Variants in GAS6 observed in about 807,000 individuals in gnomAD.
The protein encoded by GAS6 is growth arrest specific 6, also known as growth arrest-specific protein 6.
A neutral mutation model predicts 75.8 loss-of-function variants in GAS6; 41 were observed. The ratio of observed to expected loss-of-function variants is 0.54; its 90% CI spans 0.42 to 0.70. The LOEUF is 0.70. Among genes scored for constraint, GAS6 ranks in the 30% least tolerant of loss-of-function variants. The pLI, the probability that GAS6 is intolerant of heterozygous loss-of-function variation, is 0.00. For synonymous variants in GAS6, 432 were observed against 412.6 expected (o/e 1.05, Z -0.57); for missense variants, 854 against 940.2 (o/e 0.91, Z 1.20).
At chr13:113,842,497 C>T (rs998332971) in intron 4 of GAS6, 1 of 396,060 alleles carries the variant, frequency 2.5e-6, no homozygotes, top group Admixed American at 4.4e-5. Flanking sequence ...CCCGGCTGTA[C>T]CTGGGTGCTG....
intron 10 of GAS6, among the ~76,000 whole-genome samples, chr13:113,831,154 G>A (rs555429444): frequency 6.6e-5 from 10 of 152,352 alleles, no homozygotes; most frequent in African/African-American, 2.2e-4. Flanking sequence ...GGGGATGTGG[G>A]GTGGGCACGT....
rs780645028 is a variant in GAS6, at chr13:113,835,616, G to C, written c.609C>G (p.Asp203Glu). 4 of 1,612,068 alleles carry C rather than the reference G, an allele frequency of 2.5e-6. No homozygotes were observed. The highest frequency in any genetic ancestry group is 3.4e-6 in the Non-Finnish European group (4 of 1,179,870). Residue 203 changes from aspartate to glutamate, a missense_variant, in exon 7 of 15, where the codon GAC becomes GAG. Coordinates refer to ENST00000327773, the MANE Select transcript of GAS6 (RefSeq NM_000820.4). The part of the protein sequence containing the change: ...RTCQDIDECA[D>E]SEACGEARCK... ...AGCGCGCCTCCCCGCAGGCCTCCGA[G>C]TCTGCGCACTCGTCTATGTCTGCAA...
rs573714479 is a variant in GAS6, at chr13:113,856,441, C to T, written c.255+7134G>A. Among the ~76,000 whole-genome samples, 23 of 152,300 alleles carry T rather than the reference C, an allele frequency of 1.5e-4. No homozygotes were observed. The South Asian group carries it at 4.4e-3, about 29-fold the overall frequency. ...AAATGGCTCAGTGACAGCTGTTACA[C>T]AGTTGTCATGAGGATGTAACAACTT... is the stretch of plus-strand genomic sequence containing the variant. On this transcript the variant is annotated intron_variant, in intron 2 of 14. Transcript: ENST00000327773.
Position 113,848,137 on chromosome 13 carries a change from A to G in GAS6, c.256-87T>C, listed in dbSNP as rs2051848145. On this transcript the variant is annotated intron_variant, in intron 2 of 14. Transcript: ENST00000327773. This position sits in a 1 kb window ranked among gnomAD's most constrained non-coding sequence, Gnocchi z 4.8. The stretch of plus-strand genomic sequence containing the variant: ...ACATAAGCATCAGCTGGTTAATCAG[A>G]GGCTGCTCTCGGGGCAGCCAGAGGG... 1 of 1,466,586 alleles carries G rather than the reference A, an allele frequency of 6.8e-7. No individual in the cohort carries two copies. The allele number at this position is 1,466,586 out of a possible 1,614,324, so 90.8% of individuals were successfully genotyped here. A position where few individuals can be genotyped will look rare whatever the true frequency, so the allele number is the denominator to read the frequency against.
intron 11 of GAS6, among the ~76,000 whole-genome samples, chr13:113,827,740 T>A (rs1594191180): frequency 6.6e-6 from 1 of 152,120 alleles, no homozygotes; most frequent in Non-Finnish European, 1.5e-5. Context: ...CGTGCCTTTC[T>A]CCTGCCTGGT....
intron 12 of GAS6, among the ~76,000 whole-genome samples, chr13:113,826,091 C>G (rs1013432947): frequency 1.3e-5 from 2 of 152,186 alleles, no homozygotes; most frequent in African/African-American, 4.8e-5. Context: ...TAACACTATC[C>G]TCACAGCAGC....
At position 113,833,079 on chromosome 13, in the gene GAS6, A is replaced by G. The variant is rs115048468; in HGVS notation, c.835-327T>C. On this transcript the variant is annotated intron_variant, in intron 8 of 14. Coordinates refer to ENST00000327773, the MANE Select transcript of GAS6 (RefSeq NM_000820.4). ...ATTACAGAGAATCATTAAAAAGTAT[A>G]CACTATTATGAAATAGATATGGATG... The G allele has an allele frequency of 1.1e-3, 1,364 of 1,229,396 alleles. 14 individuals carry two copies. In the African/African-American group the frequency reaches 0.02, roughly 18 times the overall value. The allele number at this position is 1,229,396 out of a possible 1,614,324, so 76.2% of individuals were successfully genotyped here. A position where few individuals can be genotyped will look rare whatever the true frequency, so the allele number is the denominator to read the frequency against.
At chr13:113,849,670 T>G (rs535700882) in intron 2 of GAS6, among the ~76,000 whole-genome samples, 1 of 152,352 alleles carries the variant, frequency 6.6e-6, no homozygotes, top group African/African-American at 2.4e-5. Flanking sequence ...TCATACTACT[T>G]AATGTGTAAT....
chr13:113,834,517 C>A, intron 8 of GAS6, 34 bp downstream of exon 8: 1 of 1,493,450 alleles, frequency 6.7e-7, no homozygotes, highest in Non-Finnish European at 8.9e-7. Flanking sequence ...CCCGGAACCA[C>A]CGTGAAGGGC....
In GAS6 at chr13:113,845,729, G is replaced by A. The variant is rs1048358374; in HGVS notation, c.343+798C>T. ...ACAGTTTTTAAACCTATGAAGGACAGCTTTACTCATTAGTTAAAAAAAAAA... is the reference window on the plus strand; with the variant it reads ...ACAGTTTTTAAACCTATGAAGGACAACTTTACTCATTAGTTAAAAAAAAAA... On this transcript the variant is annotated intron_variant, in intron 4 of 14. Transcript: ENST00000327773. This position sits in a 1 kb window ranked among gnomAD's most constrained non-coding sequence, Gnocchi z 4.3. 1 of 140,940 alleles carries A rather than the reference G, an allele frequency of 7.1e-6. No individual in the cohort carries two copies. Among genetic ancestry groups the A allele is most frequent in the Middle Eastern group, 3.6e-3 (1 of 274 alleles). 8.7% of individuals were successfully genotyped at this position (140,940 alleles called of 1,614,324 possible).
intron 2 of GAS6, among the ~76,000 whole-genome samples, chr13:113,855,572 A>G (rs2051907763): frequency 6.6e-6 from 1 of 152,138 alleles, no homozygotes; most frequent in African/African-American, 2.4e-5. Flanking sequence ...ATCGAGCATG[A>G]CTCAACCCAA....
intron 2 of GAS6, among the ~76,000 whole-genome samples, chr13:113,862,499 G>A (rs529487607): frequency 2.0e-5 from 3 of 152,206 alleles, no homozygotes; most frequent in African/African-American, 7.2e-5. Flanking sequence ...AGAGAGGCCG[G>A]GGAGAGCGAC....
In GAS6 at chr13:113,820,803, C is replaced by A; in HGVS notation, c.*61G>T. On this transcript the variant is annotated 3_prime_UTR_variant, in exon 15 of 15. Coordinates refer to ENST00000327773, the MANE Select transcript of GAS6 (RefSeq NM_000820.4). Reference sequence around the variant, plus strand: ...GCATGGCCCCACGTGGTGAGGAGCCCCCAGGCTCCTCCCGGCTGTCTCGGA... The same window carrying A: ...GCATGGCCCCACGTGGTGAGGAGCCACCAGGCTCCTCCCGGCTGTCTCGGA... 6.5e-7 allele frequency: 1 copy of A among 1,549,258 alleles called. No homozygotes were observed. The highest frequency in any genetic ancestry group is 8.7e-7 in the Non-Finnish European group (1 of 1,143,498).
chr13:113,832,466 G>A lies in GAS6; in HGVS notation c.976C>T (p.Arg326Trp), dbSNP rs566553692. Residue 326 changes from arginine (R) to tryptophan (W), a missense_variant, in exon 10 of 15, where the codon CGG becomes TGG. Physicochemically the swap from Arg to Trp is moderately radical, Grantham distance 101. Coordinates refer to ENST00000327773, the MANE Select transcript of GAS6 (RefSeq NM_000820.4). ...AGGATGCCCTCGGGGTCAAAGGTCCGGAAGTCAAACTCAGCTACCAGCCTG... is the reference window on the plus strand; with the variant it reads ...AGGATGCCCTCGGGGTCAAAGGTCCAGAAGTCAAACTCAGCTACCAGCCTG... ...PTRLVAEFDF[R>W]TFDPEGILLF... 1.9e-6 allele frequency: 3 copies of A among 1,602,958 alleles called. No homozygotes were observed. In the South Asian group the frequency reaches 3.3e-5, roughly 18 times the overall value.
At chr13:113,834,131 G>A (rs532852993) in intron 8 of GAS6, among the ~76,000 whole-genome samples, 1 of 147,716 alleles carries the variant, frequency 6.8e-6, no homozygotes, top group Non-Finnish European at 1.5e-5. Context: ...GTGACAGGTC[G>A]GTGTGACAGG....
At chr13:113,858,168 A>G (rs1477473125) in intron 2 of GAS6, among the ~76,000 whole-genome samples, 1 of 152,240 alleles carries the variant, frequency 6.6e-6, no homozygotes, top group Non-Finnish European at 1.5e-5. Context: ...TTCTGACCCC[A>G]AAGTTGTAGA....
Position 113,832,341 on chromosome 13 carries a change from G to T in GAS6, c.1101C>A (p.Val367=). The T allele has an allele frequency of 6.2e-7, 1 of 1,604,284 alleles. No homozygotes were observed. Among genetic ancestry groups the T allele is most frequent in the Non-Finnish European group, 8.5e-7 (1 of 1,179,842 alleles). ...GGTTGATGACCGGGCCGCTGCTGGTGACACGGCCGACACCGTTGTAGCGCA... is the reference window on the plus strand; with the variant it reads ...GGTTGATGACCGGGCCGCTGCTGGTTACACGGCCGACACCGTTGTAGCGCA... ...LQLRYNGVGR[V]TSSGPVINHG... Residue 367 remains valine, a synonymous_variant, in exon 10 of 15, where the codon GTC becomes GTA. Transcript: ENST00000327773.
chr13:113,821,888 G>A, intron 14 of GAS6, 70 bp downstream of exon 14: 1 of 1,254,516 alleles, frequency 8.0e-7, no homozygotes, highest in Admixed American at 2.3e-5. Flanking sequence ...GTCCAGGTTA[G>A]ATCTGGGGTG....
At chr13:113,824,129 CGT>C (rs2051500389) in intron 12 of GAS6, among the ~76,000 whole-genome samples, 1 of 77,784 alleles carries the variant, frequency 1.3e-5, no homozygotes, top group Non-Finnish European at 2.3e-5. Context: ...TCAGGAGCAC[CGT>C]GGTCTGGGGT....
Sources: allele counts gnomAD v4.1 joint callset (sites outside exome capture counted in the v4.1 genomes callset), GRCh38; gene constraint gnomAD v4.1.1; non-coding constraint Gnocchi (gnomAD v3.1); transcripts MANE v1.5; gene names NCBI Gene and HGNC (gene_info 2026-07-23, HGNC 2026-07-21).